Variants in EPB41L4A observed in about 807,000 individuals in gnomAD.
EPB41L4A encodes band 4.1-like protein 4A.
A neutral mutation model predicts 108.6 loss-of-function variants in EPB41L4A; 100 were observed. The observed-to-expected ratio is 0.92, with a 90% confidence interval of 0.78 to 1.09. The LOEUF (loss-of-function observed/expected upper bound fraction) is 1.09, where lower values mean the gene tolerates loss of function less well. Ranked by LOEUF, EPB41L4A falls within the 50% of genes least tolerant of loss-of-function variation. The probability of loss-of-function intolerance (pLI) is 0.00; values close to 1 mark genes in which losing one functional copy is unlikely to be tolerated. For synonymous variants in EPB41L4A, 319 were observed against 289.0 expected (o/e 1.10, Z -1.05); for missense variants, 1,030 against 842.7 (o/e 1.22, Z -2.75).
chr5:112,195,133 C>T (rs1183344868), intron 16 of EPB41L4A, among the ~76,000 whole-genome samples: 2 of 152,122 alleles, frequency 1.3e-5, no homozygotes, highest in Non-Finnish European at 2.9e-5. Flanking sequence ...CCTTAACCGA[C>T]TGGTAGCTTC....
chr5:112,394,716 T>C (rs1761209357), intron 1 of EPB41L4A, among the ~76,000 whole-genome samples: 1 of 152,228 alleles, frequency 6.6e-6, no homozygotes, highest in Admixed American at 6.5e-5. Context: ...CCAATGACTT[T>C]CTTCACAGAA....
intron 1 of EPB41L4A, chr5:112,363,739 T>G (rs1758933105): frequency 1.1e-5 from 1 of 92,910 alleles, no homozygotes; most frequent in Non-Finnish European, 2.7e-5. Context: ...AGCTTAAATT[T>G]TTAAATATTA....
chr5:112,197,421 C>G (rs1762016556), intron 15 of EPB41L4A, among the ~76,000 whole-genome samples: 1 of 152,160 alleles, frequency 6.6e-6, no homozygotes, highest in Non-Finnish European at 1.5e-5. Flanking sequence ...GGTCTCTGTT[C>G]TTACATCAAA....
intron 17 of EPB41L4A, among the ~76,000 whole-genome samples, chr5:112,189,352 G>C (rs778156068): frequency 1.3e-5 from 2 of 152,140 alleles, no homozygotes; most frequent in Admixed American, 6.5e-5. Flanking sequence ...AGGCAGGTCA[G>C]GTATTATTCC....
chr5:112,256,639 C>T (rs1436497587), intron 9 of EPB41L4A, among the ~76,000 whole-genome samples: 1 of 152,006 alleles, frequency 6.6e-6, no homozygotes, highest in Non-Finnish European at 1.5e-5. Context: ...AAACACCATG[C>T]AGGAACCTAT....
At chr5:112,362,287 T>TG (rs1198698742) in intron 1 of EPB41L4A, among the ~76,000 whole-genome samples, 2 of 150,160 alleles carry the variant, frequency 1.3e-5, no homozygotes, top group East Asian at 1.9e-4. Flanking sequence ...TTAATGTTTT[T>TG]TTTTTTTTTT....
chr5:112,317,891 C>G (rs1336728637), intron 1 of EPB41L4A, among the ~76,000 whole-genome samples: 4 of 152,070 alleles, frequency 2.6e-5, no homozygotes, highest in Non-Finnish European at 5.9e-5. Context: ...CCCATATGAA[C>G]AAAAGTTCTT....
At chr5:112,236,437 T>C (rs559126700) in intron 11 of EPB41L4A, among the ~76,000 whole-genome samples, 1 of 152,366 alleles carries the variant, frequency 6.6e-6, no homozygotes, top group South Asian at 2.1e-4. Flanking sequence ...CAGAAAGTTA[T>C]TTGTAAAAAT....
intron 1 of EPB41L4A, among the ~76,000 whole-genome samples, chr5:112,317,241 G>C (rs1561565986): frequency 6.6e-6 from 1 of 152,144 alleles, no homozygotes; most frequent in East Asian, 1.9e-4. Flanking sequence ...TTTCAAATTA[G>C]AGCAAAAGAA....
chr5:112,233,540 G>A (rs753715430), intron 12 of EPB41L4A, among the ~76,000 whole-genome samples: 5 of 152,100 alleles, frequency 3.3e-5, no homozygotes, highest in Non-Finnish European at 7.4e-5. Flanking sequence ...CTGTACAAAT[G>A]AAGCTCAAAT....
intron 9 of EPB41L4A, among the ~76,000 whole-genome samples, chr5:112,242,509 T>C (rs570673730): frequency 2.3e-4 from 35 of 152,344 alleles, no homozygotes; most frequent in Admixed American, 4.6e-4. Context: ...CACTGAAGTC[T>C]TGGACCCCTC....
At position 112,361,538 on chromosome 5, in the gene EPB41L4A, AG is replaced by A. The variant is rs748006926; in HGVS notation, c.100-54049del. 5.9e-3 allele frequency among the ~76,000 whole-genome samples: 773 copies of A among 130,586 alleles called. 8 individuals carry two copies. The highest frequency in any genetic ancestry group is 0.03 in the South Asian group (113 of 3,826). 85.7% of individuals were successfully genotyped at this position (130,586 alleles called of 152,430 possible). On this transcript the variant is annotated intron_variant, in intron 1 of 22. Coordinates refer to ENST00000261486, the MANE Select transcript of EPB41L4A (RefSeq NM_022140.5). ...AATAAATACTTAAAAAAAAAAAAAA[AG>A]AATAAAAAGAAAAAGGGATATCATT...
chr5:112,193,963 A>C (rs1048531046), intron 17 of EPB41L4A, among the ~76,000 whole-genome samples: 4 of 152,204 alleles, frequency 2.6e-5, no homozygotes, highest in Non-Finnish European at 5.9e-5. Flanking sequence ...TAATGACACA[A>C]ATACTTCTTG....
At chr5:112,404,970 T>C (rs1274791287) in intron 1 of EPB41L4A, among the ~76,000 whole-genome samples, 8 of 152,144 alleles carry the variant, frequency 5.3e-5, no homozygotes, top group African/African-American at 1.7e-4. Flanking sequence ...AAATCTAAAA[T>C]CCAAAAACTC....
rs1403614093 is a variant in EPB41L4A, at chr5:112,264,997, G to T, written c.453C>A (p.Asp151Glu). 2 of 1,592,880 alleles carry T rather than the reference G, an allele frequency of 1.3e-6. No homozygotes were observed. Among genetic ancestry groups the T allele is most frequent in the Admixed American group, 3.6e-5 (2 of 55,916 alleles). ...CATATCCTGCAGTATGTTTATATGG[G>T]TCATAATCTCCAAGCTCCGCTAAAA... ...YAIQSELGDY[D>E]PYKHTAGYVS... The change falls in exon 6 of 23, where the codon GAC (aspartate) becomes GAA (glutamate). Residue 151 changes from aspartate (D) to glutamate (E), a missense_variant. Coordinates refer to ENST00000261486, the MANE Select transcript of EPB41L4A (RefSeq NM_022140.5).
At chr5:112,255,464 A>G (rs138353955) in intron 9 of EPB41L4A, among the ~76,000 whole-genome samples, 3 of 152,266 alleles carry the variant, frequency 2.0e-5, no homozygotes, top group African/African-American at 7.2e-5. Context: ...CACTCTTCCA[A>G]TCTACTGAAA....
intron 18 of EPB41L4A, among the ~76,000 whole-genome samples, chr5:112,180,150 T>C (rs555192451): frequency 1.4e-4 from 22 of 152,308 alleles, no homozygotes; most frequent in African/African-American, 5.1e-4. Context: ...TTTCTCAAAA[T>C]TGATCTATAC....
Position 112,418,981 on chromosome 5 carries a change from T to TA in EPB41L4A, c.58_59insT (p.Glu20ValfsTer24), listed in dbSNP as rs1165211504. On this transcript the variant is annotated frameshift_variant, in exon 1 of 23. Transcript: ENST00000261486. LOFTEE classifies it high-confidence loss of function. ...CTGGGTGGTAAGGGTTAACTTGGAT[T>TA]CATCCAGGAGCAAAACTTCGCAGTA... 4 of 1,613,348 alleles carry TA rather than the reference T, an allele frequency of 2.5e-6. No homozygotes were observed. Among genetic ancestry groups the TA allele is most frequent in the Non-Finnish European group, 3.4e-6 (4 of 1,179,706 alleles).
intron 1 of EPB41L4A, among the ~76,000 whole-genome samples, chr5:112,364,369 T>C (rs367895610): frequency 6.6e-5 from 10 of 152,354 alleles, no homozygotes; most frequent in South Asian, 2.1e-4. Flanking sequence ...AAAACATTTA[T>C]TGATATTCAC....
Sources: allele counts gnomAD v4.1 joint callset (sites outside exome capture counted in the v4.1 genomes callset), GRCh38; gene constraint gnomAD v4.1.1; transcripts MANE v1.5; gene names NCBI Gene and HGNC (gene_info 2026-07-23, HGNC 2026-07-21).